Variants in SLC35F1 observed in about 807,000 individuals in gnomAD.
The protein encoded by SLC35F1 is chromosome 6 open reading frame 169.
In SLC35F1, 14 loss-of-function variants were observed where a neutral mutation model predicts 48.7. That is an observed-to-expected ratio of 0.29 (90% confidence interval 0.19 to 0.45). SLC35F1 has a LOEUF of 0.45. SLC35F1 is among the 20% of genes least tolerant of loss of function. The pLI is 1.00. For synonymous variants in SLC35F1, 190 were observed against 202.2 expected (o/e 0.94, Z 0.51); for missense variants, 404 against 500.0 (o/e 0.81, Z 1.83).
chr6:118,101,884 T>C (rs1415337369), intron 1 of SLC35F1, among the ~76,000 whole-genome samples: 1 of 152,236 alleles, frequency 6.6e-6, no homozygotes, highest in African/African-American at 2.4e-5. Context: ...TTCTCTGAAA[T>C]TGAAACCTCT....
intron 1 of SLC35F1, among the ~76,000 whole-genome samples, chr6:118,111,108 A>G (rs1018627400): frequency 1.3e-5 from 2 of 152,184 alleles, no homozygotes; most frequent in African/African-American, 4.8e-5. Flanking sequence ...TAACTATAAA[A>G]GGTATATCAT....
chr6:118,192,472 A>G (rs1434987995), intron 2 of SLC35F1, among the ~76,000 whole-genome samples: 5 of 152,146 alleles, frequency 3.3e-5, no homozygotes, highest in Non-Finnish European at 7.4e-5. Flanking sequence ...AAAAGACACC[A>G]TATTCTAGGA....
rs148699289 is a variant in SLC35F1 at position 118,200,215 on chromosome 6, G to A, written c.350-35294G>A. Among the ~76,000 whole-genome samples, 4 of 151,728 alleles carry A rather than the reference G, an allele frequency of 2.6e-5. No homozygotes were observed. The East Asian group carries it at 7.7e-4, about 29-fold the overall frequency. ...ACATACATACATACATAGCAAACCA[G>A]AGCTGGACAGTAGTTACAGTGGCAA... On this transcript the variant is annotated intron_variant, in intron 2 of 7. Coordinates refer to ENST00000360388, the MANE Select transcript of SLC35F1 (RefSeq NM_001029858.4).
intron 1 of SLC35F1, among the ~76,000 whole-genome samples, chr6:117,984,317 G>C (rs1776820375): frequency 6.6e-6 from 1 of 152,030 alleles, no homozygotes; most frequent in Non-Finnish European, 1.5e-5. Context: ...GGCTAACGCA[G>C]TGAAACCCTG....
intron 1 of SLC35F1, among the ~76,000 whole-genome samples, chr6:118,058,629 CTTAT>C (rs1772494620): frequency 1.3e-5 from 2 of 152,142 alleles, no homozygotes; most frequent in African/African-American, 4.8e-5. Flanking sequence ...AAATAGTCAA[CTTAT>C]TTAAAGTGCT....
At chr6:118,038,633 ATTAT>A (rs1772167907) in intron 1 of SLC35F1, among the ~76,000 whole-genome samples, 1 of 151,516 alleles carries the variant, frequency 6.6e-6, no homozygotes. Context: ...TATTATTATT[ATTAT>A]TTGAGATAAG....
At chr6:118,305,048 A>ATGTGTGTGTGTGTGTGTG (rs758520455) in intron 7 of SLC35F1, among the ~76,000 whole-genome samples, 4 of 80,160 alleles carry the variant, frequency 5.0e-5, no homozygotes, top group Non-Finnish European at 7.5e-5. Context: ...ATCAACAGGA[A>ATGTGTGTGTGTGTGTGTG]TGTGTGTGTG....
intron 2 of SLC35F1, among the ~76,000 whole-genome samples, chr6:118,226,646 C>A (rs972193486): frequency 2.0e-5 from 3 of 152,056 alleles, no homozygotes; most frequent in African/African-American, 2.4e-5. Context: ...ATACATGGAA[C>A]CTCAAAAAGT....
intron 1 of SLC35F1, among the ~76,000 whole-genome samples, chr6:117,963,452 G>A (rs1776522590): frequency 6.6e-6 from 1 of 151,494 alleles, no homozygotes; most frequent in Non-Finnish European, 1.5e-5. Context: ...ATGGTTACAT[G>A]TGCGCATTCT....
chr6:118,149,496 G>A (rs1276064271), intron 1 of SLC35F1, among the ~76,000 whole-genome samples: 1 of 152,100 alleles, frequency 6.6e-6, no homozygotes, highest in Admixed American at 6.5e-5. Flanking sequence ...AGGCATTTAG[G>A]TTTATTTCTA....
At chr6:117,954,671 T>C (rs1375686018) in intron 1 of SLC35F1, among the ~76,000 whole-genome samples, 3 of 152,220 alleles carry the variant, frequency 2.0e-5, no homozygotes, top group Non-Finnish European at 2.9e-5. Flanking sequence ...TTCTCTCCGC[T>C]GGATATTTGT....
chr6:118,081,287 A>G (rs1772904068), intron 1 of SLC35F1, among the ~76,000 whole-genome samples: 1 of 152,136 alleles, frequency 6.6e-6, no homozygotes, highest in African/African-American at 2.4e-5. Context: ...CAGAATGATG[A>G]AATTAAATAG....
chr6:118,246,734 C>G (rs929321018), intron 3 of SLC35F1, among the ~76,000 whole-genome samples: 4 of 152,140 alleles, frequency 2.6e-5, no homozygotes, highest in African/African-American at 7.2e-5. Context: ...ATCCTTTCCC[C>G]TGGTGTGATC....
At chr6:117,934,479 A>G (rs770962449) in intron 1 of SLC35F1, among the ~76,000 whole-genome samples, 13 of 152,336 alleles carry the variant, frequency 8.5e-5, no homozygotes, top group Non-Finnish European at 1.6e-4. Context: ...AATAGCCTCA[A>G]TAATTCATAT....
chr6:118,031,649 G>A (rs747731819), intron 1 of SLC35F1, among the ~76,000 whole-genome samples: 25 of 152,192 alleles, frequency 1.6e-4, no homozygotes, highest in African/African-American at 4.3e-4. Flanking sequence ...TTATTGAAGC[G>A]ACAGTGTTAC....
intron 1 of SLC35F1, among the ~76,000 whole-genome samples, chr6:117,991,546 A>T (rs118063043): frequency 6.6e-6 from 1 of 152,314 alleles, no homozygotes; most frequent in African/African-American, 2.4e-5. Context: ...CTTTGAAGAC[A>T]TTTTCAATGG....
chr6:118,094,287 A>G (rs1365095897), intron 1 of SLC35F1, among the ~76,000 whole-genome samples: 2 of 152,210 alleles, frequency 1.3e-5, no homozygotes, highest in Non-Finnish European at 2.9e-5. Context: ...TAGAGAAAAC[A>G]GAATATAATG....
intron 1 of SLC35F1, among the ~76,000 whole-genome samples, chr6:118,046,299 G>A (rs940448083): frequency 6.6e-6 from 1 of 152,160 alleles, no homozygotes; most frequent in Non-Finnish European, 1.5e-5. Flanking sequence ...AGCTGTGATA[G>A]TGGCCAAAAA....
At position 117,918,557 on chromosome 6, in the gene SLC35F1, TGGG is replaced by T. The variant is rs374956632; in HGVS notation, c.173+10661_173+10663del. Among the ~76,000 whole-genome samples, 329 of 152,284 alleles carry T rather than the reference TGGG, an allele frequency of 2.2e-3. 2 individuals carry two copies. Among genetic ancestry groups the T allele is most frequent in the African/African-American group, 7.5e-3 (313 of 41,554 alleles). Reference sequence around the variant, plus strand: ...AATAGTGAACAAAGATGCTAGTTGTTGGGGGAGGTGTGTAGGATGTTTGTACAA... The same window carrying T: ...AATAGTGAACAAAGATGCTAGTTGTTGGAGGTGTGTAGGATGTTTGTACAA... On this transcript the variant is annotated intron_variant, in intron 1 of 7. Transcript: ENST00000360388.
Sources: gnomAD v4.1 joint callset for allele counts (sites outside exome capture counted in the v4.1 genomes callset) on GRCh38, gnomAD v4.1.1 for gene constraint, MANE v1.5 for transcripts, NCBI Gene and HGNC (gene_info 2026-07-23, HGNC 2026-07-21) for gene names.